The following PRKCI variants were observed in gnomAD, a reference collection of about 807,000 sequenced individuals.
PRKCI encodes the protein protein kinase C iota.
PRKCI carries 43 observed loss-of-function variants against 84.0 expected under a neutral mutation model. The observed-to-expected ratio is 0.51, with a 90% CI of 0.40 to 0.66. The LOEUF (loss-of-function observed/expected upper bound fraction) is 0.66. Among genes scored for constraint, PRKCI ranks in the 30% least tolerant of loss-of-function variants. The probability of loss-of-function intolerance (pLI) is 0.00; values close to 1 mark genes in which losing one functional copy is unlikely to be tolerated. For synonymous variants in PRKCI, 216 were observed against 234.4 expected (o/e 0.92, Z 0.72); for missense variants, 459 against 745.6 (o/e 0.62, Z 4.48).
intron 2 of PRKCI, among the ~76,000 whole-genome samples, chr3:170,257,546 C>G (rs958191429): frequency 6.6e-6 from 1 of 152,174 alleles, no homozygotes; most frequent in African/African-American, 2.4e-5. Context: ...AAAAAAAACC[C>G]TGCCCCTTTT....
At chr3:170,280,128 A>G (rs1040714385) in intron 8 of PRKCI, 99 bp from the exon 9 acceptor site, 2 of 1,068,760 alleles carry the variant, frequency 1.9e-6, no homozygotes, top group Non-Finnish European at 2.6e-6. Flanking sequence ...ATGTTAGGAA[A>G]ATATCTTTAA....
intron 2 of PRKCI, among the ~76,000 whole-genome samples, chr3:170,239,214 T>C (rs1255088428): frequency 6.6e-6 from 1 of 152,208 alleles, no homozygotes; most frequent in Non-Finnish European, 1.5e-5. Context: ...TAACCTGGTA[T>C]TTCAAATTTT....
intron 2 of PRKCI, among the ~76,000 whole-genome samples, chr3:170,241,161 A>G (rs1684884): frequency 0.32 from 47,931 of 152,026 alleles, 8,511 homozygotes; most frequent in Middle Eastern, 0.48. Flanking sequence ...TAACACATCT[A>G]TTACCTCAAA....
chr3:170,225,089 T>C (rs9290381), intron 1 of PRKCI, among the ~76,000 whole-genome samples: 2,853 of 152,334 alleles, frequency 0.019, 96 homozygotes, highest in African/African-American at 0.065. Flanking sequence ...TCTTTAGTGT[T>C]TGACTGCAAT....
Position 170,283,011 on chromosome 3 carries a change from A to AGGAGAATCGCTTGAGCCCGGGAGGC in PRKCI, c.1067+1048_1067+1072dup, listed in dbSNP as rs572034316. On this transcript the variant is annotated intron_variant, in intron 11 of 17. Coordinates refer to ENST00000295797, the MANE Select transcript of PRKCI (RefSeq NM_002740.6). ...TCCCAACTACTTGGGAGGCTGAATT[A>AGGAGAATCGCTTGAGCCCGGGAGGC]GGAGAATCGCTTGAGCCCGGGAGGC... 2.2e-3 allele frequency among the ~76,000 whole-genome samples: 339 copies of AGGAGAATCGCTTGAGCCCGGGAGGC among 151,300 alleles called. 1 individual carries two copies. Among genetic ancestry groups the AGGAGAATCGCTTGAGCCCGGGAGGC allele is most frequent in the African/African-American group, 8.0e-3 (329 of 41,382 alleles).
At chr3:170,237,466 C>G (rs1733008262) in intron 2 of PRKCI, among the ~76,000 whole-genome samples, 2 of 152,136 alleles carry the variant, frequency 1.3e-5, no homozygotes, top group South Asian at 4.1e-4. Flanking sequence ...AGCAAAATCT[C>G]AGAAGTCACC....
intron 13 of PRKCI, 52 bp from the exon 14 acceptor site, chr3:170,293,331 C>T: frequency 6.6e-7 from 1 of 1,522,438 alleles, no homozygotes; most frequent in Non-Finnish European, 8.9e-7. Flanking sequence ...CAGTTACTAA[C>T]TTTCAAGAAT....
chr3:170,222,806 G>C (rs1393902672), intron 1 of PRKCI, 36 bp downstream of exon 1: 1 of 1,286,070 alleles, frequency 7.8e-7, no homozygotes, highest in Non-Finnish European at 1.1e-6. Flanking sequence ...GGCGGGAGGG[G>C]ACAGGCCGGC....
rs138584579 is a variant in PRKCI, at chr3:170,243,748, C to T, written c.223+8397C>T. Among the ~76,000 whole-genome samples, 1,366 of 152,286 alleles carry T rather than the reference C, an allele frequency of 9.0e-3. 22 individuals carry two copies. The highest frequency in any genetic ancestry group is 0.031 in the African/African-American group (1,303 of 41,554). ...TTAGTCCCTGAAAAGTTTTCCTGCA[C>T]TCCAGGGGTACTGTATTCCAATTAG... On this transcript the variant is annotated intron_variant, in intron 2 of 17. Coordinates refer to ENST00000295797, the MANE Select transcript of PRKCI (RefSeq NM_002740.6).
At chr3:170,278,682 A>G (rs567331962) in intron 8 of PRKCI, among the ~76,000 whole-genome samples, 21 of 152,362 alleles carry the variant, frequency 1.4e-4, no homozygotes, top group African/African-American at 5.1e-4. Flanking sequence ...GAAGGAAGGA[A>G]TAAAGGAATA....
intron 4 of PRKCI, among the ~76,000 whole-genome samples, chr3:170,266,572 AT>A (rs1476864303): frequency 1.3e-5 from 2 of 152,156 alleles, no homozygotes; most frequent in African/African-American, 4.8e-5. Flanking sequence ...AGTCAACATA[AT>A]GAAAAGGAAG....
At chr3:170,242,080 G>T (rs1733146283) in intron 2 of PRKCI, among the ~76,000 whole-genome samples, 1 of 152,306 alleles carries the variant, frequency 6.6e-6, no homozygotes, top group South Asian at 2.1e-4. Flanking sequence ...TTGCACTCTA[G>T]CCTGGGCAAC....
chr3:170,235,417 A>G (rs1222312007), intron 2 of PRKCI, 66 bp downstream of exon 2: 18 of 1,550,016 alleles, frequency 1.2e-5, no homozygotes, highest in Non-Finnish European at 1.5e-5. Flanking sequence ...TTTGTTGTAA[A>G]AATATAATGA....
At chr3:170,228,042 G>A (rs973233012) in intron 1 of PRKCI, among the ~76,000 whole-genome samples, 8 of 152,158 alleles carry the variant, frequency 5.3e-5, no homozygotes, top group African/African-American at 1.9e-4. Flanking sequence ...GAATGTGGAA[G>A]AGATTTGTGG....
In PRKCI at chr3:170,280,293, C is replaced by T. The variant is rs138560118; in HGVS notation, c.772C>T (p.Arg258Trp). Reference protein sequence around the residue: ...SLGLQDFDLLRVIGRGSYAKV... With the variant: ...SLGLQDFDLLWVIGRGSYAKV... The stretch of plus-strand genomic sequence containing the variant: ...AGGTCTTCAGGATTTTGATTTGCTC[C>T]GGGTAATAGGAAGAGGAAGTTATGC... Residue 258 changes from arginine (R) to tryptophan (W), a missense_variant, in exon 9 of 18, where the codon CGG (arginine) becomes TGG (tryptophan). Arg to Trp is a moderately radical substitution (Grantham distance 101). This residue lies in a region of PRKCI where 209 missense variants were observed against 425.9 expected (regional missense o/e 0.49). Coordinates refer to ENST00000295797, the MANE Select transcript of PRKCI (RefSeq NM_002740.6). 12 of 1,612,776 alleles carry T rather than the reference C, an allele frequency of 7.4e-6. No homozygotes were observed. In the African/African-American group the frequency reaches 8.0e-5, roughly 11 times the overall value.
In PRKCI at chr3:170,304,292, G is replaced by T. The variant is rs1316263566; in HGVS notation, c.*1165G>T. On this transcript the variant is annotated 3_prime_UTR_variant, in exon 18 of 18. Coordinates refer to ENST00000295797, the MANE Select transcript of PRKCI (RefSeq NM_002740.6). Reference sequence around the variant, plus strand: ...GGTAATATTTTTATTTCCTATTGGAGAGTGAATCCCCACAGTTGCTTTTTG... The same window carrying T: ...GGTAATATTTTTATTTCCTATTGGATAGTGAATCCCCACAGTTGCTTTTTG... 1 of 152,112 alleles carries T rather than the reference G, an allele frequency of 6.6e-6. No individual in the cohort carries two copies. Among genetic ancestry groups the T allele is most frequent in the Non-Finnish European group, 1.5e-5 (1 of 68,012 alleles). The allele number at this position is 152,112 out of a possible 1,614,324, so 9.4% of individuals were successfully genotyped here.
intron 2 of PRKCI, among the ~76,000 whole-genome samples, chr3:170,253,158 A>C (rs999812060): frequency 1.3e-5 from 2 of 152,178 alleles, no homozygotes; most frequent in Admixed American, 1.3e-4. Context: ...ATGGGAGTGT[A>C]CATATCTCTT....
intron 7 of PRKCI, among the ~76,000 whole-genome samples, chr3:170,273,831 A>G (rs550097556): frequency 1.6e-4 from 23 of 140,330 alleles, no homozygotes; most frequent in African/African-American, 3.2e-4. Flanking sequence ...GAGAGAGAGA[A>G]AAAAAAAAGA....
chr3:170,262,991 A>C (rs1009980358), intron 3 of PRKCI, among the ~76,000 whole-genome samples: 5 of 151,860 alleles, frequency 3.3e-5, no homozygotes, highest in Non-Finnish European at 7.4e-5. Flanking sequence ...TAACACGGTG[A>C]AACCCCGTCT....
Sources: gnomAD v4.1 joint callset for allele counts (sites outside exome capture counted in the v4.1 genomes callset) on GRCh38, gnomAD v4.1.1 for gene constraint, gnomAD v4.1.1 regional missense constraint, MANE v1.5 for transcripts, NCBI Gene and HGNC (gene_info 2026-07-23, HGNC 2026-07-21) for gene names.